Variants in EIF3A observed in about 807,000 individuals in gnomAD.
The protein encoded by EIF3A is EIF3, p180 subunit.
A neutral mutation model predicts 186.6 loss-of-function variants in EIF3A; 21 were observed. That is an observed-to-expected ratio of 0.11 (90% CI 0.08 to 0.16). The LOEUF (loss-of-function observed/expected upper bound fraction) is 0.16. Ranked by LOEUF, EIF3A falls within the 10% of genes least tolerant of loss-of-function variation. The pLI, the probability that EIF3A is intolerant of heterozygous loss-of-function variation, is 1.00. For synonymous variants in EIF3A, 563 were observed against 584.3 expected (o/e 0.96, Z 0.52); for missense variants, 1,306 against 1,796.3 (o/e 0.73, Z 4.93).
Position 119,058,217 on chromosome 10 carries a change from G to A in EIF3A, c.1716C>T (p.Arg572=). The A allele has an allele frequency of 6.2e-7, 1 of 1,613,598 alleles. No homozygotes were observed. The highest frequency in any genetic ancestry group is 8.5e-7 in the Non-Finnish European group (1 of 1,179,880). ...RKEHQRILAR[R]QTIEERKERL... Reference sequence around the variant, plus strand: ...GCTCTTTTCTCTCCTCAATTGTCTGGCGGCGAGCCAGGATCCGCTGGTGCT... The same window carrying A: ...GCTCTTTTCTCTCCTCAATTGTCTGACGGCGAGCCAGGATCCGCTGGTGCT... Residue 572 remains arginine (R), a synonymous_variant, in exon 12 of 22, where the codon CGC becomes CGT. Coordinates refer to ENST00000369144, the MANE Select transcript of EIF3A (RefSeq NM_003750.4).
At chr10:119,074,408 T>G (rs932508752) in intron 1 of EIF3A, among the ~76,000 whole-genome samples, 5 of 151,946 alleles carry the variant, frequency 3.3e-5, no homozygotes, top group Admixed American at 1.3e-4. Context: ...GAGGTTGCAG[T>G]GAGCCGAGAT....
intron 17 of EIF3A, among the ~76,000 whole-genome samples, chr10:119,048,675 T>C (rs1298207443): frequency 6.6e-6 from 1 of 151,914 alleles, no homozygotes; most frequent in African/African-American, 2.4e-5. Flanking sequence ...ACGATTCTTT[T>C]TTTTTTTTTC....
chr10:119,054,635 C>G lies in EIF3A; in HGVS notation c.2196+2105G>C, dbSNP rs376091610. ...CTCAGCTACTCGGGAGGCTGAGGCA[C>G]GAGAATCACTTGAACTGGGAGGCGG... On this transcript the variant is annotated intron_variant, in intron 14 of 21. Coordinates refer to ENST00000369144, the MANE Select transcript of EIF3A (RefSeq NM_003750.4). 2.5e-3 allele frequency among the ~76,000 whole-genome samples: 371 copies of G among 149,398 alleles called. 1 individual carries two copies. Among genetic ancestry groups the G allele is most frequent in the African/African-American group, 8.5e-3 (345 of 40,544 alleles).
rs1213295179 is a variant in EIF3A at position 119,036,156 on chromosome 10, G to A, written c.4032C>T (p.Asp1344=). ...TCTCTTTTTCACCTTCTCTTTCTCG[G>A]TCTCGGTCTCTTTCTCGGTCTCTTG... is the stretch of plus-strand genomic sequence containing the variant. ...ALSRDRERDR[D]REREGEKEKA... Residue 1344 remains aspartate (D), a synonymous_variant, in exon 22 of 22, where the codon GAC becomes GAT. Transcript: ENST00000369144. 9.3e-6 allele frequency: 15 copies of A among 1,612,842 alleles called. No individual in the cohort carries two copies. The highest frequency in any genetic ancestry group is 1.3e-5 in the African/African-American group (1 of 74,534).
rs1314530563 is a variant in EIF3A at position 119,035,867 on chromosome 10, A to G, written c.*172T>C. 4 of 520,286 alleles carry G rather than the reference A, an allele frequency of 7.7e-6. No homozygotes were observed. The South Asian group carries it at 1.1e-4, about 14-fold the overall frequency. The allele number at this position is 520,286 out of a possible 1,614,324, so 32.2% of individuals were successfully genotyped here. On this transcript the variant is annotated 3_prime_UTR_variant, in exon 22 of 22. Transcript: ENST00000369144. ...GCATGGTTTTTCCAACCTCCTGTGG[A>G]TATGGTGCATGATCAATCTATTATA...
At position 119,042,570 on chromosome 10, in the gene EIF3A, C is replaced by T. The variant is rs149533913; in HGVS notation, c.2950G>A (p.Asp984Asn). The T allele has an allele frequency of 4.3e-4, 691 of 1,614,198 alleles. No homozygotes were observed. The highest frequency in any genetic ancestry group is 5.7e-4 in the Non-Finnish European group (669 of 1,180,038). Residue 984 changes from aspartate (D) to asparagine (N), a missense_variant, in exon 19 of 22, where the codon GAT becomes AAT. Physicochemically the swap from Asp to Asn is conservative, Grantham distance 23 (BLOSUM62 1). This residue lies in a region of EIF3A where 410 missense variants were observed against 473.5 expected (regional missense o/e 0.87). Transcript: ENST00000369144. The surrounding 1 kb of genome is among the most constrained non-coding windows in gnomAD (Gnocchi z 7.8). ...GTGTTACGCCAGGAAGGCCGGTCAT[C>T]GTCTGCCCCACGACGAGAGAACCTA... ...EDRFSRRGAD[D>N]DRPSWRNTDD... is the part of the protein sequence containing the mutation.
chr10:119,037,210 C>G lies in EIF3A; in HGVS notation c.3828G>C (p.Glu1276Asp), dbSNP rs778100804. The G allele has an allele frequency of 6.2e-7, 1 of 1,614,068 alleles. No homozygotes were observed. The highest frequency in any genetic ancestry group is 1.1e-5 in the South Asian group (1 of 91,078). The stretch of plus-strand genomic sequence containing the variant: ...CTCTTAGATCACGCCGGTCATCCCT[C>G]TCACGGCGACGGTCATCCCTATCCC... Reference protein sequence around the residue: ...DDRDRDDRRRERDDRRDLRER... With the variant: ...DDRDRDDRRRDRDDRRDLRER... Residue 1276 changes from glutamate to aspartate, a missense_variant, in exon 21 of 22, where the codon GAG becomes GAC. Glu to Asp is a conservative substitution (Grantham distance 45). Transcript: ENST00000369144.
At chr10:119,061,751 G>A (rs1022163752) in intron 7 of EIF3A, among the ~76,000 whole-genome samples, 5 of 152,120 alleles carry the variant, frequency 3.3e-5, no homozygotes, top group African/African-American at 7.2e-5. Context: ...CACATATGGT[G>A]TATTCATAAA....
chr10:119,057,921 A>T lies in EIF3A; in HGVS notation c.1977+35T>A, dbSNP rs1170214153. ...TTCTAAGAGTACAAAATACCTGGAT[A>T]AAACTAATTTTTTAATAACTAAGAT... On this transcript the variant is annotated intron_variant, in intron 12 of 21. Coordinates refer to ENST00000369144, the MANE Select transcript of EIF3A (RefSeq NM_003750.4). 9 of 1,553,100 alleles carry T rather than the reference A, an allele frequency of 5.8e-6. No homozygotes were observed. In the Admixed American group the frequency reaches 7.3e-5, roughly 13 times the overall value.
rs1477536131 is a variant in EIF3A at position 119,058,027 on chromosome 10, C to T, written c.1906G>A (p.Val636Ile). Residue 636 changes from valine to isoleucine, a missense_variant, in exon 12 of 22, where the codon GTC becomes ATC. Coordinates refer to ENST00000369144, the MANE Select transcript of EIF3A (RefSeq NM_003750.4). The stretch of plus-strand genomic sequence containing the variant: ...TTGATCTGCTCCAAACGCTCTCGGA[C>T]AGTTTTCTTTTTGATTTGTTCATGT... ...QEHEQIKKKT[V>I]RERLEQIKKT... 1 of 1,614,196 alleles carries T rather than the reference C, an allele frequency of 6.2e-7. No homozygotes were observed. The highest frequency in any genetic ancestry group is 1.7e-5 in the Admixed American group (1 of 60,020).
chr10:119,036,843 C>CT (rs1347252315), intron 21 of EIF3A, among the ~76,000 whole-genome samples: 1 of 152,140 alleles, frequency 6.6e-6, no homozygotes, highest in Non-Finnish European at 1.5e-5. Flanking sequence ...CAGGAAGCTG[C>CT]TTTTAAATAA....
intron 1 of EIF3A, among the ~76,000 whole-genome samples, chr10:119,075,126 T>C (rs1222204301): frequency 1.3e-5 from 2 of 151,576 alleles, no homozygotes; most frequent in Non-Finnish European, 2.9e-5. Context: ...AGGGCCCGGC[T>C]AATTTTTGTA....
chr10:119,060,452 T>C (rs928238055), intron 9 of EIF3A, among the ~76,000 whole-genome samples: 1 of 152,166 alleles, frequency 6.6e-6, no homozygotes. Context: ...ATACAGGTTT[T>C]CATCAAGAGA....
chr10:119,074,799 G>A (rs1445751484), intron 1 of EIF3A, among the ~76,000 whole-genome samples: 1 of 150,326 alleles, frequency 6.7e-6, no homozygotes, highest in Non-Finnish European at 1.5e-5. Context: ...AGGGCGTAGT[G>A]GTGCATGCCT....
chr10:119,057,821 C>G (rs527635567), intron 12 of EIF3A, 135 bp downstream of exon 12: 1 of 689,724 alleles, frequency 1.4e-6, no homozygotes, highest in South Asian at 1.8e-5. Context: ...TGCTTACTCA[C>G]AGATTTAGTC....
intron 9 of EIF3A, 104 bp from the exon 10 acceptor site, chr10:119,059,822 T>C: frequency 1.2e-6 from 1 of 801,782 alleles, no homozygotes; most frequent in Non-Finnish European, 2.2e-6. Flanking sequence ...TGCCAGAGAA[T>C]TTATGTTAGC....
chr10:119,073,299 T>A, intron 3 of EIF3A, 142 bp downstream of exon 3: 1 of 713,964 alleles, frequency 1.4e-6, no homozygotes, highest in Non-Finnish European at 2.3e-6. Flanking sequence ...CTACATAAAT[T>A]AACTGGTTAC....
intron 17 of EIF3A, among the ~76,000 whole-genome samples, chr10:119,049,228 GGCAA>G (rs1848322662): frequency 6.6e-6 from 1 of 152,312 alleles, no homozygotes; most frequent in Admixed American, 6.5e-5. Context: ...GGGAGGCCAA[GGCAA>G]GCAGATTGTT....
intron 20 of EIF3A, 186 bp downstream of exon 20, chr10:119,038,052 G>A: frequency 1.8e-6 from 1 of 560,784 alleles, no homozygotes; most frequent in African/African-American, 1.9e-5. Context: ...GAGTAGCTGG[G>A]ATTACAGGCA....
Sources: gnomAD v4.1 joint callset for allele counts (sites outside exome capture counted in the v4.1 genomes callset) on GRCh38, gnomAD v4.1.1 for gene constraint, gnomAD v4.1.1 regional missense constraint, Gnocchi (gnomAD v3.1) non-coding constraint, MANE v1.5 for transcripts, NCBI Gene and HGNC (gene_info 2026-07-23, HGNC 2026-07-21) for gene names.